Variants in LRP1B observed in about 807,000 individuals in gnomAD.
LRP1B encodes low-density lipoprotein receptor-related protein 1B.
In LRP1B, 217 loss-of-function variants were observed where a neutral mutation model predicts 556.6. That is an observed-to-expected ratio of 0.39 (90% CI 0.35 to 0.44). The LOEUF (loss-of-function observed/expected upper bound fraction) is 0.44. Among genes scored for constraint, LRP1B ranks in the 20% least tolerant of loss-of-function variants. The pLI, the probability that LRP1B is intolerant of heterozygous loss-of-function variation, is 1.00. For synonymous variants in LRP1B, 2,047 were observed against 1,865.8 expected (o/e 1.10, Z -2.50); for missense variants, 5,053 against 5,620.8 (o/e 0.90, Z 3.23).
intron 1 of LRP1B, among the ~76,000 whole-genome samples, chr2:141,938,402 G>C (rs1700699622): frequency 6.6e-6 from 1 of 152,096 alleles, no homozygotes; most frequent in Admixed American, 6.5e-5. Flanking sequence ...ACCACAGTAA[G>C]GTTGGTTAGG....
intron 1 of LRP1B, among the ~76,000 whole-genome samples, chr2:141,837,347 C>A (rs1200916874): frequency 6.6e-6 from 1 of 151,894 alleles, no homozygotes; most frequent in African/African-American, 2.4e-5. Context: ...ACTTTTTTAA[C>A]CTTTATTAAT....
intron 2 of LRP1B, among the ~76,000 whole-genome samples, chr2:141,562,533 T>C (rs570169053): frequency 6.6e-6 from 1 of 151,944 alleles, no homozygotes; most frequent in Non-Finnish European, 1.5e-5. Flanking sequence ...TAATATTATC[T>C]CTGGCAATCT....
At chr2:140,949,666 C>T (rs934719214) in intron 20 of LRP1B, among the ~76,000 whole-genome samples, 1 of 151,490 alleles carries the variant, frequency 6.6e-6, no homozygotes, top group African/African-American at 2.4e-5. Flanking sequence ...GTATGCCGGG[C>T]GCGGTGGCTC....
intron 47 of LRP1B, among the ~76,000 whole-genome samples, chr2:140,530,351 C>G (rs1042684909): frequency 6.6e-6 from 1 of 152,028 alleles, no homozygotes; most frequent in Admixed American, 6.6e-5. Flanking sequence ...TGGAAAGAGA[C>G]CTCTTTTCCA....
intron 7 of LRP1B, among the ~76,000 whole-genome samples, chr2:141,177,073 T>C (rs1020385088): frequency 6.6e-6 from 1 of 152,068 alleles, no homozygotes; most frequent in African/African-American, 2.4e-5. Context: ...TACTGAAATG[T>C]AGCAGAACTG....
At chr2:141,078,505 C>A (rs569186299) in intron 7 of LRP1B, among the ~76,000 whole-genome samples, 6 of 152,222 alleles carry the variant, frequency 3.9e-5, no homozygotes, top group Non-Finnish European at 7.3e-5. Context: ...GTTTTTAAAA[C>A]TGTGACACAG....
chr2:140,580,823 C>T (rs1342672779), intron 43 of LRP1B, among the ~76,000 whole-genome samples: 1 of 151,900 alleles, frequency 6.6e-6, no homozygotes, highest in Admixed American at 6.5e-5. Context: ...AAAGCTATTA[C>T]TTCAACAGTC....
chr2:141,585,466 T>A (rs113712250), intron 2 of LRP1B, among the ~76,000 whole-genome samples: 8,226 of 145,418 alleles, frequency 0.057, 588 homozygotes, highest in African/African-American at 0.17. Context: ...TGTGTGTGTG[T>A]GTGATGGGGT....
intron 86 of LRP1B, among the ~76,000 whole-genome samples, chr2:140,250,212 G>A (rs77841455): frequency 4.0e-5 from 6 of 151,694 alleles, no homozygotes; most frequent in Admixed American, 6.6e-5. Context: ...AATTGCAGAC[G>A]TTTCCCACTG....
chr2:140,259,686 G>A (rs1028004990), intron 86 of LRP1B, among the ~76,000 whole-genome samples: 2 of 151,882 alleles, frequency 1.3e-5, no homozygotes, highest in African/African-American at 4.8e-5. Context: ...GACCCATTGG[G>A]GTAAAATACA....
intron 41 of LRP1B, among the ~76,000 whole-genome samples, chr2:140,690,995 G>A (rs139291250): frequency 7.2e-5 from 11 of 152,128 alleles, no homozygotes; most frequent in Admixed American, 2.0e-4. Flanking sequence ...TTTTGAGAAC[G>A]AATGTCTGTA....
chr2:140,281,219 G>C (rs1682899957), intron 84 of LRP1B, among the ~76,000 whole-genome samples: 1 of 151,916 alleles, frequency 6.6e-6, no homozygotes, highest in African/African-American at 2.4e-5. Context: ...ATATGTGCGT[G>C]TATGTGCAAA....
chr2:141,518,400 T>C (rs1157551931), intron 2 of LRP1B, among the ~76,000 whole-genome samples: 2 of 152,086 alleles, frequency 1.3e-5, no homozygotes, highest in Non-Finnish European at 2.9e-5. Context: ...AACGATTTCT[T>C]AGTGATTAAA....
At chr2:141,006,194 C>T (rs1308463582) in intron 14 of LRP1B, among the ~76,000 whole-genome samples, 1 of 152,006 alleles carries the variant, frequency 6.6e-6, no homozygotes, top group Admixed American at 6.6e-5. Context: ...TGTTCATAGT[C>T]ATAGTGATGT....
intron 6 of LRP1B, among the ~76,000 whole-genome samples, chr2:141,214,144 C>T (rs1682684999): frequency 6.6e-6 from 1 of 152,130 alleles, no homozygotes. Context: ...ATTCTTTTTA[C>T]AAAATCTCAT....
intron 2 of LRP1B, among the ~76,000 whole-genome samples, chr2:141,579,253 AT>A (rs917348807): frequency 2.4e-4 from 37 of 152,262 alleles, no homozygotes; most frequent in African/African-American, 8.4e-4. Flanking sequence ...TTACAGTCAC[AT>A]TTGCACTCCT....
At chr2:141,854,159 A>T (rs1269262157) in intron 1 of LRP1B, among the ~76,000 whole-genome samples, 1 of 152,038 alleles carries the variant, frequency 6.6e-6, no homozygotes, top group East Asian at 1.9e-4. Context: ...ATTTCCAAAT[A>T]TCAATCATGA....
intron 2 of LRP1B, among the ~76,000 whole-genome samples, chr2:141,679,311 C>A (rs937064762): frequency 1.3e-5 from 2 of 152,090 alleles, no homozygotes; most frequent in African/African-American, 4.8e-5. Context: ...AGCCTGGAAT[C>A]GTAATCCACA....
At chr2:141,032,826 C>CATACATACATACATACAT in intron 11 of LRP1B, among the ~76,000 whole-genome samples, 7 of 126,612 alleles carry the variant, frequency 5.5e-5, no homozygotes, top group Non-Finnish European at 1.0e-4. Flanking sequence ...TATATACATA[C>CATACATACATACATACAT]ATATATATAT....
Sources: gnomAD v4.1 joint callset for allele counts (sites outside exome capture counted in the v4.1 genomes callset) on GRCh38, gnomAD v4.1.1 for gene constraint, MANE v1.5 for transcripts, NCBI Gene and HGNC (gene_info 2026-07-23, HGNC 2026-07-21) for gene names.